The following AFG1L variants were observed in gnomAD, a reference collection of about 807,000 sequenced individuals.
AFG1L encodes AFG1 like ATPase.
Under a neutral mutation model 62.2 loss-of-function variants are expected in AFG1L, and 53 were observed. The observed-to-expected ratio is 0.85, with a 90% CI of 0.68 to 1.07. The LOEUF (loss-of-function observed/expected upper bound fraction) is 1.07. Ranked by LOEUF, AFG1L falls within the 50% of genes least tolerant of loss-of-function variation. The pLI is 0.00. For missense variants in AFG1L, 555 were observed against 590.5 expected, an observed-to-expected ratio of 0.94 and a Z score of 0.62; for synonymous variants, 228 against 210.3, an observed-to-expected ratio of 1.08 and a Z score of -0.73.
rs574010929 is a variant in AFG1L, at chr6:108,322,592, G to A, written c.140-1233G>A. On this transcript the variant is annotated intron_variant, in intron 1 of 12. Transcript: ENST00000368977. The stretch of plus-strand genomic sequence containing the variant: ...TATTTAGAAAGGTGGAACAAATAAT[G>A]GAAGACAGCCGTCCCTATCTCCAAC... 7.9e-5 allele frequency among the ~76,000 whole-genome samples: 12 copies of A among 152,232 alleles called. No homozygotes were observed. The South Asian group carries it at 2.5e-3, about 32-fold the overall frequency.
rs1384537501 is a variant in AFG1L, at chr6:108,416,988, AG to A, written c.807+14935del. Among the ~76,000 whole-genome samples, 3 of 152,060 alleles carry A rather than the reference AG, an allele frequency of 2.0e-5. No homozygotes were observed. In the East Asian group the frequency reaches 5.8e-4, roughly 29 times the overall value. ...TGTGGTGGCTCAGACCTGTAATCCC[AG>A]TGCTTTGGGAGACTGAGGTTGGAGG... On this transcript the variant is annotated intron_variant, in intron 7 of 12. Transcript: ENST00000368977.
intron 7 of AFG1L, among the ~76,000 whole-genome samples, chr6:108,445,526 G>C (rs907663711): frequency 2.0e-5 from 3 of 152,174 alleles, no homozygotes. Flanking sequence ...TTGAGAGTGA[G>C]AGATGTGTGA....
At chr6:108,472,158 A>G (rs1389098318) in intron 8 of AFG1L, among the ~76,000 whole-genome samples, 1 of 152,244 alleles carries the variant, frequency 6.6e-6, no homozygotes, top group Non-Finnish European at 1.5e-5. Context: ...ACTTAGAAAC[A>G]GAGAAATCAA....
intron 6 of AFG1L, among the ~76,000 whole-genome samples, chr6:108,393,917 C>A (rs1242145430): frequency 6.6e-6 from 1 of 151,974 alleles, no homozygotes; most frequent in Non-Finnish European, 1.5e-5. Context: ...CATATGTATA[C>A]CTTCATGAGA....
intron 5 of AFG1L, among the ~76,000 whole-genome samples, chr6:108,364,088 C>T (rs1726882402): frequency 6.6e-6 from 1 of 152,144 alleles, no homozygotes; most frequent in South Asian, 2.1e-4. Context: ...GCAGACTACC[C>T]TTATTGGTAA....
At chr6:108,480,263 C>T (rs1773275705) in intron 10 of AFG1L, among the ~76,000 whole-genome samples, 1 of 152,160 alleles carries the variant, frequency 6.6e-6, no homozygotes, top group African/African-American at 2.4e-5. Context: ...AATATAGCCA[C>T]ACATCAGGTA....
At chr6:108,450,844 T>C (rs892817294) in intron 8 of AFG1L, among the ~76,000 whole-genome samples, 1 of 152,138 alleles carries the variant, frequency 6.6e-6, no homozygotes, top group African/African-American at 2.4e-5. Flanking sequence ...CAGAACCTTT[T>C]ATTAAATAGG....
At chr6:108,438,218 A>G (rs1321090238) in intron 7 of AFG1L, among the ~76,000 whole-genome samples, 1 of 152,232 alleles carries the variant, frequency 6.6e-6, no homozygotes, top group African/African-American at 2.4e-5. Context: ...ACAAAATTCA[A>G]CAGACTGGAT....
chr6:108,483,495 G>T (rs569269177), intron 10 of AFG1L, among the ~76,000 whole-genome samples: 2 of 152,082 alleles, frequency 1.3e-5, no homozygotes, highest in African/African-American at 4.8e-5. Context: ...GAATCCTACC[G>T]AAAGAAAATA....
intron 2 of AFG1L, chr6:108,344,935 C>A (rs868811875): frequency 2.6e-6 from 1 of 383,798 alleles, no homozygotes; most frequent in African/African-American, 2.1e-5. Flanking sequence ...TGACTGCTTT[C>A]CTGACCTGCA....
intron 10 of AFG1L, among the ~76,000 whole-genome samples, chr6:108,489,149 C>T (rs573784846): frequency 5.6e-4 from 86 of 152,234 alleles, no homozygotes; most frequent in Non-Finnish European, 9.4e-4. Context: ...TAGTCTTATA[C>T]GGATGTCTAA....
At chr6:108,373,657 G>A (rs1282483436) in intron 6 of AFG1L, among the ~76,000 whole-genome samples, 1 of 149,576 alleles carries the variant, frequency 6.7e-6, no homozygotes, top group African/African-American at 2.5e-5. Context: ...ACATGATCTC[G>A]GCTCTGCCTC....
intron 1 of AFG1L, among the ~76,000 whole-genome samples, chr6:108,308,678 T>G (rs894170624): frequency 6.6e-6 from 1 of 151,782 alleles, no homozygotes; most frequent in African/African-American, 2.4e-5. Flanking sequence ...GATGAAGAAG[T>G]TCTAAATTTT....
intron 1 of AFG1L, among the ~76,000 whole-genome samples, chr6:108,314,650 C>T (rs907341113): frequency 2.0e-5 from 3 of 152,090 alleles, no homozygotes; most frequent in Non-Finnish European, 2.9e-5. Flanking sequence ...CCGCCCGCCT[C>T]GGCCTCCCAA....
At chr6:108,444,610 C>T (rs2114743651) in intron 7 of AFG1L, among the ~76,000 whole-genome samples, 1 of 152,336 alleles carries the variant, frequency 6.6e-6, no homozygotes, top group South Asian at 2.1e-4. Context: ...AGGGAAACAA[C>T]ATTTATCTCC....
At chr6:108,331,672 G>A (rs1413320331) in intron 2 of AFG1L, among the ~76,000 whole-genome samples, 2 of 152,218 alleles carry the variant, frequency 1.3e-5, no homozygotes, top group Non-Finnish European at 2.9e-5. Context: ...TTATTGTGCT[G>A]TGAGGTAATT....
intron 2 of AFG1L, among the ~76,000 whole-genome samples, chr6:108,326,156 G>A (rs1778033951): frequency 6.6e-6 from 1 of 152,112 alleles, no homozygotes; most frequent in African/African-American, 2.4e-5. Flanking sequence ...TAGTAGCCTT[G>A]AAGTCCTGGG....
chr6:108,483,192 T>C (rs768827453), intron 10 of AFG1L, among the ~76,000 whole-genome samples: 1 of 151,294 alleles, frequency 6.6e-6, no homozygotes, highest in Non-Finnish European at 1.5e-5. Context: ...AATGCCATTC[T>C]TGTTAGTTAT....
intron 10 of AFG1L, among the ~76,000 whole-genome samples, chr6:108,503,494 C>T (rs139876923): frequency 1.2e-4 from 18 of 152,228 alleles, no homozygotes; most frequent in African/African-American, 4.3e-4. Flanking sequence ...TTTTTCTGAG[C>T]AGTAGCTCTT....
Sources: allele counts gnomAD v4.1 joint callset (sites outside exome capture counted in the v4.1 genomes callset), GRCh38; gene constraint gnomAD v4.1.1; transcripts MANE v1.5; gene names NCBI Gene and HGNC (gene_info 2026-07-23, HGNC 2026-07-21).